MACF1: variants seen among roughly 807,000 people sequenced by gnomAD.
MACF1 encodes microtubule-actin cross-linking factor 1.
A neutral mutation model predicts 854.8 loss-of-function variants in MACF1; 193 were observed. The ratio of observed to expected loss-of-function variants is 0.23; its 90% CI spans 0.20 to 0.25. The LOEUF (loss-of-function observed/expected upper bound fraction) is 0.25, where lower values mean the gene tolerates loss of function less well. MACF1 is among the 10% of genes least tolerant of loss of function. The pLI is 1.00. For missense variants in MACF1, 7,722 were observed against 8,929.1 expected (o/e 0.86, Z 5.45); for synonymous variants, 3,185 against 3,226.7 (o/e 0.99, Z 0.44).
At chr1:39,479,773 G>T in intron 97 of MACF1, 25 bp from the exon 98 acceptor site, 1 of 1,579,616 alleles carries the variant, frequency 6.3e-7, no homozygotes, top group Non-Finnish European at 8.7e-7. Flanking sequence ...AACTGACATT[G>T]TGTGTGTGTT....
In MACF1 at chr1:39,107,991, G is replaced by A. The variant is rs1642290963; in HGVS notation, c.220+23553G>A. Among the ~76,000 whole-genome samples the A allele has an allele frequency of 2.0e-5, 3 of 152,112 alleles. No individual in the cohort carries two copies. The South Asian group carries it at 6.2e-4, about 32-fold the overall frequency. On this transcript the variant is annotated intron_variant, in intron 2 of 93. Transcript: ENST00000361689. ...TGAGGGAAGCAGAGCTGTGTGTAGTGCAGCTGTATTAGGAATGGTAGTCAA... is the reference window on the plus strand; with the variant it reads ...TGAGGGAAGCAGAGCTGTGTGTAGTACAGCTGTATTAGGAATGGTAGTCAA...
At chr1:39,130,145 G>C (rs1014738171) in intron 2 of MACF1, among the ~76,000 whole-genome samples, 1 of 152,128 alleles carries the variant, frequency 6.6e-6, no homozygotes, top group African/African-American at 2.4e-5. Context: ...ATCCCTTTCA[G>C]AGTTTATTTT....
intron 1 of MACF1, among the ~76,000 whole-genome samples, chr1:39,206,194 T>G (rs1163853676): frequency 6.6e-6 from 1 of 152,238 alleles, no homozygotes; most frequent in African/African-American, 2.4e-5. Context: ...TGACTAAATA[T>G]TCAGATCCTA....
At chr1:39,277,708 T>TG (rs995182682) in intron 6 of MACF1, among the ~76,000 whole-genome samples, 17 of 152,320 alleles carry the variant, frequency 1.1e-4, no homozygotes, top group African/African-American at 3.8e-4. Context: ...CCTCTGGCAT[T>TG]GCTAGTTTGG....
At position 39,335,306 on chromosome 1, in the gene MACF1, A is replaced by T. The variant is rs1646792300; in HGVS notation, c.8718A>T (p.Thr2906=). ...CTAGAAATAACATGGGAAATGATACAAATGAAGAGCAGGAAAAAGCAGTGA... is the reference window on the plus strand; with the variant it reads ...CTAGAAATAACATGGGAAATGATACTAATGAAGAGCAGGAAAAAGCAGTGA... ...EVARNNMGND[T]NEEQEKAVTK... Residue 2906 remains threonine, a synonymous_variant, in exon 37 of 101, where the codon ACA becomes ACT. Coordinates refer to ENST00000564288, the MANE Select transcript of MACF1 (RefSeq NM_001394062.1). 1 of 1,614,148 alleles carries T rather than the reference A, an allele frequency of 6.2e-7. No individual in the cohort carries two copies. The highest frequency in any genetic ancestry group is 1.3e-5 in the African/African-American group (1 of 75,066).
intron 2 of MACF1, among the ~76,000 whole-genome samples, chr1:39,174,452 A>T (rs1342813255): frequency 6.6e-6 from 1 of 152,176 alleles, no homozygotes; most frequent in African/African-American, 2.4e-5. Context: ...AGTAATTCCA[A>T]ATGTGGCTTT....
At chr1:39,108,292 C>T (rs1642299112) in intron 2 of MACF1, among the ~76,000 whole-genome samples, 1 of 152,086 alleles carries the variant, frequency 6.6e-6, no homozygotes, top group Non-Finnish European at 1.5e-5. Context: ...ATTAAAGTCT[C>T]TCTTGGAGGT....
intron 44 of MACF1, among the ~76,000 whole-genome samples, chr1:39,354,489 C>T (rs542482658): frequency 6.6e-6 from 1 of 152,284 alleles, no homozygotes; most frequent in Non-Finnish European, 1.5e-5. Context: ...ACCGCAACCT[C>T]CATCTCCTGG....
At chr1:39,455,396 C>T (rs1644415799) in intron 89 of MACF1, among the ~76,000 whole-genome samples, 1 of 152,124 alleles carries the variant, frequency 6.6e-6, no homozygotes, top group Non-Finnish European at 1.5e-5. Flanking sequence ...TGGCAGAATC[C>T]AGATCCTGGT....
At chr1:39,358,631 T>G in intron 45 of MACF1, 66 bp from the exon 46 acceptor site, 1 of 1,510,954 alleles carries the variant, frequency 6.6e-7, no homozygotes, top group Non-Finnish European at 9.1e-7. Context: ...GGCCTCTTTC[T>G]TTGGGCAGCT....
chr1:39,409,014 C>CGGGCG lies in MACF1; in HGVS notation c.15817-13353_15817-13349dup, dbSNP rs1380622010. ...GCTCCCTGGCTTCCAGGGGGCTGCCCGGGCGGGGCGGCGCAGCGCGGCGGC... is the reference window on the plus strand; with the variant it reads ...GCTCCCTGGCTTCCAGGGGGCTGCCCGGGCGGGGCGGGGCGGCGCAGCGCGGCGGC... On this transcript the variant is annotated intron_variant, in intron 58 of 100. Coordinates refer to ENST00000564288, the MANE Select transcript of MACF1 (RefSeq NM_001394062.1). This position sits in a 1 kb window ranked among gnomAD's most constrained non-coding sequence, Gnocchi z 4.2. Among the ~76,000 whole-genome samples the CGGGCG allele has an allele frequency of 1.4e-4, 21 of 151,596 alleles. No individual in the cohort carries two copies.
chr1:39,325,486 G>A (rs1646592748), intron 35 of MACF1, among the ~76,000 whole-genome samples: 1 of 152,116 alleles, frequency 6.6e-6, no homozygotes, highest in Non-Finnish European at 1.5e-5. Flanking sequence ...ATATAATAGA[G>A]TCAATATTTA....
At chr1:39,374,739 G>A (rs753591853) in intron 52 of MACF1, among the ~76,000 whole-genome samples, 2 of 152,042 alleles carry the variant, frequency 1.3e-5, no homozygotes, top group African/African-American at 4.8e-5. Flanking sequence ...TCCTAGACTA[G>A]ATCATTTTTT....
intron 23 of MACF1, among the ~76,000 whole-genome samples, chr1:39,303,935 AAG>A (rs995571784): frequency 2.0e-5 from 3 of 151,786 alleles, no homozygotes; most frequent in Non-Finnish European, 4.4e-5. Flanking sequence ...TTTATTATAA[AAG>A]AGATATGGAA....
At chr1:39,400,059 G>A (rs1642417065) in intron 58 of MACF1, among the ~76,000 whole-genome samples, 1 of 152,108 alleles carries the variant, frequency 6.6e-6, no homozygotes, top group Non-Finnish European at 1.5e-5. Context: ...TTCCTTCTCT[G>A]CTAGTTAGTA....
At position 39,459,005 on chromosome 1, in the gene MACF1, A is replaced by C. The variant is rs911615624; in HGVS notation, c.21197-81A>C. 53 of 1,206,492 alleles carry C rather than the reference A, an allele frequency of 4.4e-5. No individual in the cohort carries two copies. In the African/African-American group the frequency reaches 7.9e-4, roughly 18 times the overall value. The allele number at this position is 1,206,492 out of a possible 1,614,324, so 74.7% of individuals were successfully genotyped here. On this transcript the variant is annotated intron_variant, in intron 90 of 100. Transcript: ENST00000564288. The stretch of plus-strand genomic sequence containing the variant: ...TTATTGACTGGATATTATTATAAAG[A>C]TCTTCTAGGTTTATACATACAGCTA...
Position 39,426,426 on chromosome 1 carries a change from C to T in MACF1, c.16317-1029C>T, listed in dbSNP as rs114264780. On this transcript the variant is annotated intron_variant, in intron 61 of 100. Transcript: ENST00000564288. ...TTAAGTGCATCATATACTCCCAGGC[C>T]TCTTCAAATGCCATATCTTAGTCTG... Among the ~76,000 whole-genome samples, 1,150 of 152,238 alleles carry T rather than the reference C, an allele frequency of 7.6e-3. 10 individuals are homozygous for T. Among genetic ancestry groups the T allele is most frequent in the Middle Eastern group, 0.017 (5 of 294 alleles).
chr1:39,410,294 G>C, intron 58 of MACF1: 2 of 1,609,712 alleles, frequency 1.2e-6, no homozygotes, highest in Middle Eastern at 1.7e-4. Flanking sequence ...AGACCAGACT[G>C]TTTAAGGCGG....
chr1:39,253,582 T>C (rs1475063058), intron 4 of MACF1, among the ~76,000 whole-genome samples: 1 of 150,472 alleles, frequency 6.6e-6, no homozygotes, highest in East Asian at 1.9e-4. Context: ...GGCATGATCT[T>C]GGCTCACTGC....
Sources: gnomAD v4.1 joint callset for allele counts (sites outside exome capture counted in the v4.1 genomes callset) on GRCh38, gnomAD v4.1.1 for gene constraint, Gnocchi (gnomAD v3.1) non-coding constraint, MANE v1.5 for transcripts, NCBI Gene and HGNC (gene_info 2026-07-23, HGNC 2026-07-21) for gene names.